The following PEX5 variants were observed in gnomAD, a reference collection of about 807,000 sequenced individuals.
PEX5 encodes PTS1 receptor.
Under a neutral mutation model 82.9 loss-of-function variants are expected in PEX5, and 52 were observed. The observed-to-expected ratio is 0.63, with a 90% CI of 0.50 to 0.79. PEX5 has a LOEUF of 0.79. Among genes scored for constraint, PEX5 ranks in the 30% least tolerant of loss-of-function variants. The probability of loss-of-function intolerance (pLI) is 0.00; values close to 1 mark genes in which losing one functional copy is unlikely to be tolerated. For missense variants in PEX5, 719 were observed against 815.2 expected (o/e 0.88, Z 1.44); for synonymous variants, 300 against 318.8 (o/e 0.94, Z 0.63).
At position 7,203,421 on chromosome 12, in the gene PEX5, C is replaced by T. The variant is rs143990182; in HGVS notation, c.847-11C>T. 6 of 1,611,418 alleles carry T rather than the reference C, an allele frequency of 3.7e-6. No individual in the cohort carries two copies. In the African/African-American group the frequency reaches 8.0e-5, roughly 21 times the overall value. Reference sequence around the variant, plus strand: ...GATCTCCTTTTTCTATCTGCTTTCCCTTCCTTACAGTCTGATGTCGATTTC... The same window carrying T: ...GATCTCCTTTTTCTATCTGCTTTCCTTTCCTTACAGTCTGATGTCGATTTC... On this transcript the variant is annotated splice_polypyrimidine_tract_variant and intron_variant, in intron 9 of 15. Transcript: ENST00000675855.
chr12:7,203,958 ACT>A (rs1335104873), intron 10 of PEX5, among the ~76,000 whole-genome samples: 1 of 148,268 alleles, frequency 6.7e-6, no homozygotes, highest in Admixed American at 6.7e-5. Context: ...TACTTTTTAA[ACT>A]CACATATTCA....
At chr12:7,191,057 A>G in intron 3 of PEX5, 134 bp downstream of exon 3, 2 of 1,186,228 alleles carry the variant, frequency 1.7e-6, no homozygotes. Context: ...TTTTAAATGT[A>G]TTTTTTCGTC....
At chr12:7,201,534 A>G (rs1483970514) in intron 6 of PEX5, among the ~76,000 whole-genome samples, 1 of 152,116 alleles carries the variant, frequency 6.6e-6, no homozygotes, top group Non-Finnish European at 1.5e-5. Flanking sequence ...CTGTATGCAA[A>G]GATATGTTTG....
chr12:7,192,823 G>A (rs982235072), intron 5 of PEX5, among the ~76,000 whole-genome samples: 2 of 152,152 alleles, frequency 1.3e-5, no homozygotes, highest in African/African-American at 2.4e-5. Flanking sequence ...ATTGCTCCTC[G>A]CATCCTTTAG....
At chr12:7,201,991 G>C (rs1944122303) in intron 7 of PEX5, 150 bp downstream of exon 7, 7 of 753,912 alleles carry the variant, frequency 9.3e-6, no homozygotes, top group Non-Finnish European at 1.4e-5. Context: ...TTAAGATCCT[G>C]CCTCTTCCTT....
rs201244651 is a variant in PEX5 at position 7,207,661 on chromosome 12, G to T, written c.969G>T (p.Gly323=). 1 of 1,614,082 alleles carries T rather than the reference G, an allele frequency of 6.2e-7. No individual in the cohort carries two copies. Residue 323 remains glycine, a splice_region_variant and synonymous_variant, in exon 11 of 16, where the codon GGG becomes GGT. Transcript: ENST00000675855. ...DDLTSATYDK[G]YQFEEENPLR... is the part of the protein sequence containing the mutation. ...TCTCTCACGTGCTTTTCTTGTAGGG[G>T]TACCAGTTTGAGGAGGAGAACCCCT...
upstream of PEX5, chr12:7,189,190 A>C (rs982548238): frequency 1.3e-5 from 2 of 152,024 alleles, no homozygotes; most frequent in Non-Finnish European, 1.5e-5. Context: ...GGTTATTTGG[A>C]AGCGGGGCAG....
intron 5 of PEX5, among the ~76,000 whole-genome samples, chr12:7,198,212 C>T (rs1283242734): frequency 1.3e-5 from 2 of 152,136 alleles, no homozygotes; most frequent in African/African-American, 2.4e-5. Flanking sequence ...ACTGAAAAAA[C>T]ATAGCTACTC....
Position 7,190,261 on chromosome 12 carries a change from G to A in PEX5, c.-16-101G>A, listed in dbSNP as rs1040823223. The A allele has an allele frequency of 9.4e-6, 15 of 1,591,362 alleles. 1 individual carries two copies. In the Admixed American group the frequency reaches 2.3e-4, roughly 25 times the overall value. ...CACTGGGGTGGAGGGCGGCCAGTGT[G>A]GGGCAGACGCCTGTGTGCCTTCCTC... On this transcript the variant is annotated intron_variant, in intron 1 of 15. Coordinates refer to ENST00000675855, the MANE Select transcript of PEX5 (RefSeq NM_001351132.2).
At chr12:7,213,934 A>G (rs2136290832), downstream of PEX5, among the ~76,000 whole-genome samples, 1 of 152,310 alleles carries the variant, frequency 6.6e-6, no homozygotes, top group South Asian at 2.1e-4. Context: ...ACACTTTTCA[A>G]AAGAAGACAT....
At chr12:7,199,769 CA>C (rs1432662564) in intron 6 of PEX5, among the ~76,000 whole-genome samples, 1 of 151,338 alleles carries the variant, frequency 6.6e-6, no homozygotes, top group African/African-American at 2.4e-5. Context: ...CCTCACTTCC[CA>C]GTAGGGGCGG....
At chr12:7,196,030 A>ATATTAT (rs1293128992) in intron 5 of PEX5, among the ~76,000 whole-genome samples, 150 of 84,686 alleles carry the variant, frequency 1.8e-3, no homozygotes, top group Non-Finnish European at 2.8e-3. Flanking sequence ...TATACATTAT[A>ATATTAT]TATTATATAT....
intron 3 of PEX5, 130 bp from the exon 4 acceptor site, chr12:7,191,096 C>A: frequency 1.7e-6 from 2 of 1,204,402 alleles, no homozygotes; most frequent in South Asian, 1.2e-5. Flanking sequence ...GACAGTTTCT[C>A]TTTATGTGTC....
chr12:7,208,085 G>T lies in PEX5; in HGVS notation c.1181+5G>T. 6.2e-7 allele frequency: 1 copy of T among 1,607,498 alleles called. No individual in the cohort carries two copies. Among genetic ancestry groups the T allele is most frequent in the Non-Finnish European group, 8.5e-7 (1 of 1,173,914 alleles). ...AGCCATCAGTGCATTGCGGAGGTGA[G>T]TACACTGAAAGGTGTGGGTGAGGTG... On this transcript the variant is annotated splice_donor_5th_base_variant and intron_variant, in intron 12 of 15. Coordinates refer to ENST00000675855, the MANE Select transcript of PEX5 (RefSeq NM_001351132.2).
intron 4 of PEX5, 98 bp from the exon 5 acceptor site, chr12:7,191,471 A>G: frequency 6.3e-7 from 1 of 1,596,228 alleles, no homozygotes; most frequent in Non-Finnish European, 8.6e-7. Context: ...GAAGGAGACA[A>G]AAGTAACAGA....
chr12:7,196,327 A>G (rs1199287125), intron 5 of PEX5, among the ~76,000 whole-genome samples: 8 of 131,786 alleles, frequency 6.1e-5, no homozygotes, highest in South Asian at 2.4e-4. Context: ...TATATATGTC[A>G]TAATTTATAT....
intron 5 of PEX5, among the ~76,000 whole-genome samples, chr12:7,197,545 A>ATAATGTAATAAGTATG (rs1565690030): frequency 8.6e-6 from 1 of 116,404 alleles, no homozygotes; most frequent in Non-Finnish European, 2.0e-5. Flanking sequence ...GTAATTATAT[A>ATAATGTAATAAGTATG]TGTTATATAT....
Position 7,200,172 on chromosome 12 carries a change from A to G in PEX5, c.551+1059A>G, listed in dbSNP as rs1283972395. 4.2e-3 allele frequency among the ~76,000 whole-genome samples: 604 copies of G among 145,118 alleles called. 21 individuals are homozygous for G. The highest frequency in any genetic ancestry group is 0.014 in the African/African-American group (549 of 38,758). On this transcript the variant is annotated intron_variant, in intron 6 of 15. Coordinates refer to ENST00000675855, the MANE Select transcript of PEX5 (RefSeq NM_001351132.2). ...GGCAGAGGGTCTCCTCACTTCTCAG[A>G]CGGGGCGGCCGGGCAGAGACGCTCC...
chr12:7,214,731 AAAAG>A (rs769538587), downstream of PEX5, among the ~76,000 whole-genome samples: 1,736 of 106,950 alleles, frequency 0.016, 30 homozygotes, highest in African/African-American at 0.046. Context: ...ATAAAATAAA[AAAAG>A]AATTATTCTC....
Sources: allele counts gnomAD v4.1 joint callset (sites outside exome capture counted in the v4.1 genomes callset), GRCh38; gene constraint gnomAD v4.1.1; transcripts MANE v1.5; gene names NCBI Gene and HGNC (gene_info 2026-07-23, HGNC 2026-07-21).